The following PPFIBP1 variants were observed in gnomAD, a reference collection of about 807,000 sequenced individuals.
The protein encoded by PPFIBP1 is liprin-beta-1.
A neutral mutation model predicts 137.8 loss-of-function variants in PPFIBP1; 112 were observed. The observed-to-expected ratio is 0.81, with a 90% CI of 0.70 to 0.95. The LOEUF (loss-of-function observed/expected upper bound fraction) is 0.95, where lower values mean the gene tolerates loss of function less well. Ranked by LOEUF, PPFIBP1 falls within the 40% of genes least tolerant of loss-of-function variation. The pLI is 0.00. For missense variants in PPFIBP1, 1,083 were observed against 1,196.6 expected (o/e 0.91, Z 1.40); for synonymous variants, 378 against 417.3 (o/e 0.91, Z 1.15).
intron 1 of PPFIBP1, among the ~76,000 whole-genome samples, chr12:27,556,902 G>A (rs959344561): frequency 1.3e-5 from 2 of 151,820 alleles, no homozygotes; most frequent in African/African-American, 4.8e-5. Flanking sequence ...TGTTTGAAGG[G>A]AAGGAGAGAG....
intron 1 of PPFIBP1, among the ~76,000 whole-genome samples, chr12:27,545,445 C>A (rs1247333178): frequency 6.6e-6 from 1 of 152,124 alleles, no homozygotes; most frequent in African/African-American, 2.4e-5. Context: ...TCATGCTGAT[C>A]CCTTCAAATC....
intron 2 of PPFIBP1, among the ~76,000 whole-genome samples, chr12:27,628,322 A>G (rs1335989427): frequency 6.6e-6 from 1 of 152,148 alleles, no homozygotes; most frequent in East Asian, 1.9e-4. Context: ...AACTACAGGC[A>G]CATGCCACCA....
chr12:27,586,781 C>T (rs1019988044), intron 2 of PPFIBP1, among the ~76,000 whole-genome samples: 12 of 152,098 alleles, frequency 7.9e-5, no homozygotes, highest in African/African-American at 2.9e-4. Context: ...GTGACTATGC[C>T]TGTTCTTCTT....
chr12:27,613,342 G>A (rs941966731), intron 2 of PPFIBP1, among the ~76,000 whole-genome samples: 12 of 152,354 alleles, frequency 7.9e-5, no homozygotes, highest in African/African-American at 2.9e-4. Context: ...TCCAATATCT[G>A]AATTGACAGA....
intron 1 of PPFIBP1, among the ~76,000 whole-genome samples, chr12:27,553,976 A>C (rs1947037225): frequency 6.7e-6 from 1 of 150,030 alleles, no homozygotes. Context: ...TGTCTCACAG[A>C]ATTGAGCAGG....
intron 2 of PPFIBP1, among the ~76,000 whole-genome samples, chr12:27,602,880 T>G (rs2137815998): frequency 6.6e-6 from 1 of 152,366 alleles, no homozygotes; most frequent in Non-Finnish European, 1.5e-5. Context: ...GCAACAACCC[T>G]TTCCAGTAGA....
chr12:27,631,919 A>G (rs1425046643), intron 2 of PPFIBP1, among the ~76,000 whole-genome samples: 2 of 152,218 alleles, frequency 1.3e-5, no homozygotes, highest in Admixed American at 1.3e-4. Flanking sequence ...AGACACATAT[A>G]TAAGTGGTTA....
At chr12:27,634,139 CTTTT>C (rs375816732) in intron 3 of PPFIBP1, among the ~76,000 whole-genome samples, 15 of 111,602 alleles carry the variant, frequency 1.3e-4, no homozygotes, top group African/African-American at 4.8e-4. Context: ...CCGGCCATAT[CTTTT>C]TTTTTTTTTT....
intron 25 of PPFIBP1, chr12:27,688,060 G>A (rs900971277): frequency 2.0e-5 from 8 of 403,798 alleles, no homozygotes; most frequent in African/African-American, 6.2e-5. Context: ...CAACGCCAGC[G>A]TGGGTAAGAG....
intron 24 of PPFIBP1, among the ~76,000 whole-genome samples, chr12:27,683,408 C>T (rs982355941): frequency 3.9e-5 from 6 of 152,212 alleles, no homozygotes; most frequent in African/African-American, 1.4e-4. Flanking sequence ...TAAGCCCAAG[C>T]TATCTCTAAG....
At chr12:27,559,446 C>T (rs1016660047) in intron 1 of PPFIBP1, among the ~76,000 whole-genome samples, 8 of 152,180 alleles carry the variant, frequency 5.3e-5, no homozygotes, top group Admixed American at 3.3e-4. Context: ...GGATTACAGG[C>T]GTGAGCCACC....
In PPFIBP1 at chr12:27,677,370, G is replaced by T. The variant is rs144270987; in HGVS notation, c.1615+274G>T. The T allele has an allele frequency of 1.9e-3, 977 of 521,472 alleles. 15 individuals are homozygous for T. In the East Asian group the frequency reaches 0.027, roughly 14 times the overall value. The allele number at this position is 521,472 out of a possible 1,614,324, so 32.3% of individuals were successfully genotyped here. On this transcript the variant is annotated intron_variant, in intron 19 of 29. Coordinates refer to ENST00000228425, the MANE Select transcript of PPFIBP1 (RefSeq NM_003622.4). Reference sequence around the variant, plus strand: ...GTGTGCAGCATCCCTCAGAGTGCAGGGCAGGAATGTCCTGGCATTGTACAT... The same window carrying T: ...GTGTGCAGCATCCCTCAGAGTGCAGTGCAGGAATGTCCTGGCATTGTACAT...
At chr12:27,667,023 G>A (rs1268203437) in intron 12 of PPFIBP1, 143 bp from the exon 13 acceptor site, 1 of 808,476 alleles carries the variant, frequency 1.2e-6, no homozygotes, top group Non-Finnish European at 1.8e-6. Context: ...TGTTTTTCAA[G>A]GGCTGCCAGG....
chr12:27,608,596 G>T, intron 2 of PPFIBP1: 1 of 369,014 alleles, frequency 2.7e-6, no homozygotes, highest in Non-Finnish European at 5.1e-6. Context: ...AAAAATGGGT[G>T]AGTTAGGATT....
chr12:27,589,675 C>T (rs888181474), intron 2 of PPFIBP1, among the ~76,000 whole-genome samples: 3 of 152,168 alleles, frequency 2.0e-5, no homozygotes, highest in African/African-American at 7.2e-5. Flanking sequence ...AGAAATCTTA[C>T]TAAAGAACAG....
chr12:27,633,822 A>G (rs544068100), intron 3 of PPFIBP1, among the ~76,000 whole-genome samples: 61 of 146,720 alleles, frequency 4.2e-4, no homozygotes, highest in African/African-American at 1.5e-3. Context: ...CTTTCCACCA[A>G]TGACTCCCGT....
At chr12:27,566,633 T>C (rs1180075415) in intron 1 of PPFIBP1, among the ~76,000 whole-genome samples, 1 of 152,202 alleles carries the variant, frequency 6.6e-6, no homozygotes, top group Admixed American at 6.5e-5. Flanking sequence ...TGAGGACTTT[T>C]GGGGCAGTGG....
chr12:27,644,244 G>GTTTTTTTTTTTT lies in PPFIBP1; in HGVS notation c.271-1804_271-1793dup, dbSNP rs3842650. ...GGCGCACACCACCAAGCTTGGCTAAGTTTTTTTTTTTTTTTTTTTTTTTTT... is the reference window on the plus strand; with the variant it reads ...GGCGCACACCACCAAGCTTGGCTAAGTTTTTTTTTTTTTTTTTTTTTTTTTTTTTTTTTTTTT... On this transcript the variant is annotated intron_variant, in intron 4 of 29. Transcript: ENST00000228425. Among the ~76,000 whole-genome samples the GTTTTTTTTTTTT allele has an allele frequency of 3.0e-4, 35 of 117,764 alleles. 1 individual carries two copies. The highest frequency in any genetic ancestry group is 4.8e-4 in the Non-Finnish European group (28 of 58,820). The allele number at this position is 117,764 out of a possible 152,430, so 77.3% of individuals were successfully genotyped here.
intron 1 of PPFIBP1, among the ~76,000 whole-genome samples, chr12:27,540,509 G>T (rs1945534749): frequency 6.6e-6 from 1 of 151,616 alleles, no homozygotes; most frequent in African/African-American, 2.4e-5. Flanking sequence ...GGGATTACAG[G>T]CATGGGCTAT....
Sources: allele counts gnomAD v4.1 joint callset (sites outside exome capture counted in the v4.1 genomes callset), GRCh38; gene constraint gnomAD v4.1.1; transcripts MANE v1.5; gene names NCBI Gene and HGNC (gene_info 2026-07-23, HGNC 2026-07-21).